The following FRYL variants were observed in gnomAD, a reference collection of about 807,000 sequenced individuals.
The protein encoded by FRYL is FRY like transcription coactivator, also known as protein furry homolog-like.
In FRYL, 150 loss-of-function variants were observed where a neutral mutation model predicts 351.2. The ratio of observed to expected loss-of-function variants is 0.43; its 90% CI spans 0.37 to 0.49. The LOEUF (loss-of-function observed/expected upper bound fraction) is 0.49. FRYL is among the 20% of genes least tolerant of loss of function. The pLI is 0.00. For synonymous variants in FRYL, 1,153 were observed against 1,257.1 expected (o/e 0.92, Z 1.75); for missense variants, 3,036 against 3,619.3 (o/e 0.84, Z 4.13).
intron 4 of FRYL, among the ~76,000 whole-genome samples, chr4:48,632,112 A>ATG (rs1560754003): frequency 3.0e-4 from 14 of 46,170 alleles, no homozygotes; most frequent in East Asian, 8.1e-4. Flanking sequence ...ATATATATAT[A>ATG]TATATATATA....
chr4:48,669,642 TA>T (rs1446311506), intron 3 of FRYL, among the ~76,000 whole-genome samples: 1 of 148,436 alleles, frequency 6.7e-6, no homozygotes, highest in Non-Finnish European at 1.5e-5. Flanking sequence ...TTTTATTAAA[TA>T]AAAATTATAT....
chr4:48,509,105 G>T (rs1240721384), intron 59 of FRYL, among the ~76,000 whole-genome samples: 2 of 152,132 alleles, frequency 1.3e-5, no homozygotes, highest in African/African-American at 4.8e-5. Flanking sequence ...GATGGAAAAG[G>T]CTGATAACCT....
chr4:48,590,314 T>A (rs1742974086), intron 17 of FRYL, among the ~76,000 whole-genome samples: 1 of 151,920 alleles, frequency 6.6e-6, no homozygotes, highest in Non-Finnish European at 1.5e-5. Context: ...CAAAACCCCA[T>A]CTCTACTAAA....
intron 3 of FRYL, among the ~76,000 whole-genome samples, chr4:48,645,150 A>ATATATATATATATATATATATATATATG (rs1756187780): frequency 9.8e-6 from 1 of 101,982 alleles, no homozygotes; most frequent in Non-Finnish European, 2.1e-5. Flanking sequence ...ATATATATAT[A>ATATATATATATATATATATATATATATG]TATATCAGAC....
intron 18 of FRYL, among the ~76,000 whole-genome samples, 172 bp from the exon 19 acceptor site, chr4:48,586,900 AAAG>A (rs1375069536): frequency 6.6e-6 from 1 of 152,186 alleles, no homozygotes; most frequent in Non-Finnish European, 1.5e-5. Flanking sequence ...TATATGGATA[AAAG>A]AATACAGAAA....
intron 11 of FRYL, among the ~76,000 whole-genome samples, chr4:48,603,699 T>G (rs1272888207): frequency 6.6e-6 from 1 of 152,158 alleles, no homozygotes; most frequent in African/African-American, 2.4e-5. Flanking sequence ...AAGTAACATC[T>G]AAGCTGCATC....
At chr4:48,528,475 T>TGTTA (rs1726773322) in intron 50 of FRYL, 139 bp from the exon 51 acceptor site, 1 of 496,200 alleles carries the variant, frequency 2.0e-6, no homozygotes, top group South Asian at 5.7e-5. Context: ...ATGAGGCAGA[T>TGTTA]GTTAACAAAG....
chr4:48,544,918 A>G lies in FRYL; in HGVS notation c.5280-14T>C, dbSNP rs1317999289. ...GGCCCTCTTTTTCTGAAAACAGAGAACAGATGTAATTTCCTTGGATTTTCA... is the reference window on the plus strand; with the variant it reads ...GGCCCTCTTTTTCTGAAAACAGAGAGCAGATGTAATTTCCTTGGATTTTCA... On this transcript the variant is annotated splice_polypyrimidine_tract_variant and intron_variant, in intron 42 of 63. Coordinates refer to ENST00000358350, the MANE Select transcript of FRYL (RefSeq NM_015030.2). 7.6e-6 allele frequency: 12 copies of G among 1,588,178 alleles called. No individual in the cohort carries two copies. The African/African-American group carries it at 1.1e-4, about 14-fold the overall frequency.
At chr4:48,637,589 T>C (rs1263108175) in intron 3 of FRYL, 2 of 3,512 alleles carry the variant, frequency 5.7e-4, no homozygotes, top group African/African-American at 6.2e-4. Context: ...AATTACAAAC[T>C]GGAAAAACCC....
chr4:48,541,054 T>C (rs1464006450), intron 45 of FRYL, 94 bp from the exon 46 acceptor site: 34 of 1,229,746 alleles, frequency 2.8e-5, no homozygotes, highest in Non-Finnish European at 3.7e-5. Flanking sequence ...TAGTAACTGG[T>C]ACCAGAAAAA....
intron 3 of FRYL, among the ~76,000 whole-genome samples, chr4:48,683,293 T>C (rs1469376220): frequency 6.6e-6 from 1 of 151,664 alleles, no homozygotes; most frequent in African/African-American, 2.4e-5. Flanking sequence ...AGGGGAGGGA[T>C]AGCATTAGGA....
chr4:48,666,409 A>T (rs188989726), intron 3 of FRYL, among the ~76,000 whole-genome samples: 1 of 134,620 alleles, frequency 7.4e-6, no homozygotes, highest in African/African-American at 2.6e-5. Context: ...ATAAATAAAT[A>T]AATAAGAATT....
intron 2 of FRYL, among the ~76,000 whole-genome samples, chr4:48,697,387 T>G (rs1766301378): frequency 6.6e-6 from 1 of 152,342 alleles, no homozygotes; most frequent in Admixed American, 6.5e-5. Context: ...CAAAAAATAA[T>G]GTATTTTTAC....
chr4:48,592,166 C>A (rs1213973668), intron 16 of FRYL, among the ~76,000 whole-genome samples: 1 of 146,282 alleles, frequency 6.8e-6, no homozygotes, highest in Admixed American at 6.8e-5. Context: ...TTATATACGA[C>A]ATAGTACTGG....
At chr4:48,600,101 C>T (rs1220080241) in intron 13 of FRYL, among the ~76,000 whole-genome samples, 7 of 149,376 alleles carry the variant, frequency 4.7e-5, no homozygotes, top group African/African-American at 1.5e-4. Context: ...AGCGAGACTT[C>T]ATCTCAAAAA....
intron 3 of FRYL, among the ~76,000 whole-genome samples, chr4:48,645,816 TA>T (rs1160817130): frequency 1.3e-5 from 2 of 152,180 alleles, no homozygotes; most frequent in Non-Finnish European, 2.9e-5. Context: ...GCACCATAAA[TA>T]AGGAAACCTG....
intron 37 of FRYL, among the ~76,000 whole-genome samples, chr4:48,551,127 T>C (rs1252161658): frequency 6.6e-6 from 1 of 151,920 alleles, no homozygotes; most frequent in Admixed American, 6.6e-5. Flanking sequence ...ATGACGTACA[T>C]TAATTTCCAC....
chr4:48,574,319 T>C (rs945661995), intron 25 of FRYL: 1 of 152,164 alleles, frequency 6.6e-6, no homozygotes, highest in African/African-American at 2.4e-5. Flanking sequence ...TTAAATCCTA[T>C]TTTTTTCAAT....
At chr4:48,674,454 A>C (rs1763224418) in intron 3 of FRYL, among the ~76,000 whole-genome samples, 1 of 152,172 alleles carries the variant, frequency 6.6e-6, no homozygotes, top group Admixed American at 6.5e-5. Context: ...TTTATTAAGT[A>C]GGAATAGCAA....
Sources: gnomAD v4.1 joint callset for allele counts (sites outside exome capture counted in the v4.1 genomes callset) on GRCh38, gnomAD v4.1.1 for gene constraint, MANE v1.5 for transcripts, NCBI Gene and HGNC (gene_info 2026-07-23, HGNC 2026-07-21) for gene names.